The following AUTS2 variants were observed in gnomAD, a reference collection of about 807,000 sequenced individuals.
AUTS2 encodes the protein activator of transcription and developmental regulator AUTS2, also known as autism susceptibility gene 2 protein.
In AUTS2, 17 loss-of-function variants were observed where a neutral mutation model predicts 112.4. The ratio of observed to expected loss-of-function variants is 0.15; its 90% confidence interval spans 0.10 to 0.23. The LOEUF (loss-of-function observed/expected upper bound fraction) is 0.23, where lower values mean the gene tolerates loss of function less well. AUTS2 is among the 10% of genes least tolerant of loss of function. The probability of loss-of-function intolerance (pLI) is 1.00; values close to 1 mark genes in which losing one functional copy is unlikely to be tolerated. For synonymous variants in AUTS2, 751 were observed against 702.7 expected, an observed-to-expected ratio of 1.07 and a Z score of -1.09; for missense variants, 1,510 against 1,701.6, an observed-to-expected ratio of 0.89 and a Z score of 1.98.
chr7:70,045,004 G>T (rs1801437098), intron 2 of AUTS2, among the ~76,000 whole-genome samples: 1 of 151,580 alleles, frequency 6.6e-6, no homozygotes, highest in African/African-American at 2.4e-5. Flanking sequence ...TAGGTGATGA[G>T]ACTGGACCTA....
intron 2 of AUTS2, among the ~76,000 whole-genome samples, chr7:70,096,617 G>GA (rs1202166833): frequency 1.1e-4 from 14 of 132,810 alleles, no homozygotes; most frequent in Admixed American, 1.5e-4. Flanking sequence ...AAAAAAAAAA[G>GA]AAAAAAAAAG....
intron 4 of AUTS2, among the ~76,000 whole-genome samples, chr7:70,321,513 T>C (rs773214728): frequency 1.3e-5 from 2 of 152,184 alleles, no homozygotes; most frequent in Non-Finnish European, 2.9e-5. Flanking sequence ...GATTTCATTA[T>C]TGTAAAAAAT....
intron 5 of AUTS2, among the ~76,000 whole-genome samples, chr7:70,518,211 C>T (rs1799496035): frequency 6.6e-6 from 1 of 152,100 alleles, no homozygotes. Flanking sequence ...TTATTTTTTA[C>T]AATATGTACT....
At chr7:69,707,114 G>T (rs1798094658) in intron 1 of AUTS2, among the ~76,000 whole-genome samples, 1 of 151,922 alleles carries the variant, frequency 6.6e-6, no homozygotes, top group Non-Finnish European at 1.5e-5. Context: ...ATTTTCTTTT[G>T]GTCACCTTAA....
rs1240581993 is a variant in AUTS2 at position 70,464,573 on chromosome 7, G to A, written c.690+28792G>A. 3.3e-5 allele frequency among the ~76,000 whole-genome samples: 5 copies of A among 152,194 alleles called. No homozygotes were observed. The South Asian group carries it at 8.3e-4, about 25-fold the overall frequency. The stretch of plus-strand genomic sequence containing the variant: ...GTCTCACGGCTAGTACAATTAGTCT[G>A]CTAGAGGGTTGCATTCATTACCTAA... On this transcript the variant is annotated intron_variant, in intron 5 of 18. Transcript: ENST00000342771.
intron 4 of AUTS2, among the ~76,000 whole-genome samples, chr7:70,412,675 C>A (rs13242256): frequency 6.6e-6 from 1 of 152,120 alleles, no homozygotes; most frequent in South Asian, 2.1e-4. Context: ...ACTACAAGTA[C>A]AGATTTTATG....
chr7:70,425,795 G>A (rs1035545904), intron 4 of AUTS2, among the ~76,000 whole-genome samples: 3 of 152,110 alleles, frequency 2.0e-5, no homozygotes, highest in African/African-American at 7.2e-5. Flanking sequence ...TCCAACACCT[G>A]GCTCATGTAT....
intron 1 of AUTS2, among the ~76,000 whole-genome samples, chr7:69,734,116 G>A (rs1450626082): frequency 6.6e-6 from 1 of 152,094 alleles, no homozygotes; most frequent in African/African-American, 2.4e-5. Flanking sequence ...ATCCGTCTTT[G>A]TCTTAATAAA....
Position 70,368,247 on chromosome 7 carries a change from C to T in AUTS2, c.661-67505C>T, listed in dbSNP as rs1487827522. Reference sequence around the variant, plus strand: ...TAATGAAATTATGACATAGAAAACACCTAGAACTCAGAAGGCACTCAGTAA... The same window carrying T: ...TAATGAAATTATGACATAGAAAACATCTAGAACTCAGAAGGCACTCAGTAA... On this transcript the variant is annotated intron_variant, in intron 4 of 18. Transcript: ENST00000342771. Among the ~76,000 whole-genome samples the T allele has an allele frequency of 2.6e-5, 4 of 151,974 alleles. No individual in the cohort carries two copies. The East Asian group carries it at 7.7e-4, about 29-fold the overall frequency.
chr7:70,779,347 C>T (rs749015609), intron 14 of AUTS2, among the ~76,000 whole-genome samples: 6 of 152,194 alleles, frequency 3.9e-5, no homozygotes, highest in Non-Finnish European at 5.9e-5. Flanking sequence ...AAAGAGCCTA[C>T]GCCTGCAGGT....
rs79420006 is a variant in AUTS2 at position 70,548,934 on chromosome 7, C to A, written c.690+113153C>A. 2.4e-3 allele frequency among the ~76,000 whole-genome samples: 249 copies of A among 102,568 alleles called. 1 individual carries two copies. Among genetic ancestry groups the A allele is most frequent in the African/African-American group, 4.2e-3 (118 of 27,902 alleles). 67.3% of individuals were successfully genotyped at this position (102,568 alleles called of 152,430 possible). ...ATCTTGTCAATTTCTACCCCCCCCCCAAAAAAAAAAAAGTCTGCTGAGATT... is the reference window on the plus strand; with the variant it reads ...ATCTTGTCAATTTCTACCCCCCCCCAAAAAAAAAAAAAGTCTGCTGAGATT... On this transcript the variant is annotated intron_variant, in intron 5 of 18. Transcript: ENST00000342771.
intron 1 of AUTS2, among the ~76,000 whole-genome samples, chr7:69,873,050 C>T (rs1310179440): frequency 1.3e-5 from 2 of 151,678 alleles, no homozygotes; most frequent in Non-Finnish European, 2.9e-5. Context: ...ACCATGTTGG[C>T]CAGGCTGGTC....
At chr7:70,253,649 C>G (rs141236344) in intron 4 of AUTS2, among the ~76,000 whole-genome samples, 1 of 152,218 alleles carries the variant, frequency 6.6e-6, no homozygotes, top group African/African-American at 2.4e-5. Context: ...GTGAGACCAT[C>G]TTATATTCTC....
intron 2 of AUTS2, among the ~76,000 whole-genome samples, chr7:69,929,871 G>A (rs541681661): frequency 6.6e-6 from 1 of 152,258 alleles, no homozygotes; most frequent in South Asian, 2.1e-4. Flanking sequence ...GCCTCATTGT[G>A]TAACTGGTGA....
chr7:70,667,120 A>C (rs555226129), intron 5 of AUTS2, among the ~76,000 whole-genome samples: 1 of 152,314 alleles, frequency 6.6e-6, no homozygotes, highest in African/African-American at 2.4e-5. Flanking sequence ...TACTCAAAGG[A>C]TTAAAAGCTC....
intron 5 of AUTS2, among the ~76,000 whole-genome samples, chr7:70,535,034 TAAA>T (rs11350780): frequency 8.2e-5 from 11 of 134,610 alleles, no homozygotes; most frequent in Admixed American, 2.2e-4. Context: ...ATCTATTTCA[TAAA>T]AAAAAAAAAA....
At chr7:70,634,824 G>A (rs1457212126) in intron 5 of AUTS2, among the ~76,000 whole-genome samples, 1 of 152,228 alleles carries the variant, frequency 6.6e-6, no homozygotes, top group Non-Finnish European at 1.5e-5. Context: ...TGAGATGAAA[G>A]TGAGCAAAGG....
chr7:69,773,345 A>T (rs1260846737), intron 1 of AUTS2, among the ~76,000 whole-genome samples: 1 of 151,928 alleles, frequency 6.6e-6, no homozygotes, highest in African/African-American at 2.4e-5. Context: ...GTGGCGAAAC[A>T]CAATACATGT....
At position 70,579,244 on chromosome 7, in the gene AUTS2, TAAAAAA is replaced by T. The variant is rs10611601; in HGVS notation, c.691-119312_691-119307del. ...ATGCCCAGCCTTATATTCTCTTTTC[TAAAAAA>T]AAAAAAAAAAAAGATGAAGGGAGGA... On this transcript the variant is annotated intron_variant, in intron 5 of 18. Transcript: ENST00000342771. Among the ~76,000 whole-genome samples the T allele has an allele frequency of 8.2e-4, 46 of 55,898 alleles. 2 individuals are homozygous for T. The East Asian group carries it at 0.017, about 21-fold the overall frequency. 36.7% of individuals were successfully genotyped at this position (55,898 alleles called of 152,430 possible).
Sources: gnomAD v4.1 joint callset for allele counts (sites outside exome capture counted in the v4.1 genomes callset) on GRCh38, gnomAD v4.1.1 for gene constraint, MANE v1.5 for transcripts, NCBI Gene and HGNC (gene_info 2026-07-23, HGNC 2026-07-21) for gene names.